ARHGAP10: variants seen among roughly 807,000 people sequenced by gnomAD.
ARHGAP10 encodes the protein Rho GTPase activating protein 10.
In ARHGAP10, 87 loss-of-function variants were observed where a neutral mutation model predicts 108.6. The ratio of observed to expected loss-of-function variants is 0.80; its 90% confidence interval spans 0.67 to 0.96. The LOEUF (loss-of-function observed/expected upper bound fraction) is 0.96. Among genes scored for constraint, ARHGAP10 ranks in the 40% least tolerant of loss-of-function variants. The pLI is 0.00. For missense variants in ARHGAP10, 939 were observed against 954.5 expected, an observed-to-expected ratio of 0.98 and a Z score of 0.21; for synonymous variants, 347 against 341.1, an observed-to-expected ratio of 1.02 and a Z score of -0.19.
intron 1 of ARHGAP10, among the ~76,000 whole-genome samples, chr4:147,754,775 G>A (rs1421667712): frequency 6.6e-6 from 1 of 152,082 alleles, no homozygotes; most frequent in African/African-American, 2.4e-5. Context: ...TCTTCTGTTA[G>A]AATTATAATG....
chr4:147,857,503 A>C, intron 4 of ARHGAP10, 50 bp from the exon 5 acceptor site: 7 of 1,385,376 alleles, frequency 5.1e-6, no homozygotes, highest in Non-Finnish European at 6.7e-6. Context: ...TGGATTAACC[A>C]TGTGTATCCT....
intron 3 of ARHGAP10, among the ~76,000 whole-genome samples, chr4:147,845,720 C>T (rs551565192): frequency 2.4e-4 from 36 of 152,126 alleles, no homozygotes; most frequent in African/African-American, 8.2e-4. Context: ...TTGGGTAGAT[C>T]CAGATGTGGG....
intron 18 of ARHGAP10, among the ~76,000 whole-genome samples, chr4:148,011,934 C>T (rs987049670): frequency 6.6e-6 from 1 of 152,158 alleles, no homozygotes; most frequent in Non-Finnish European, 1.5e-5. Context: ...CCCCCAGTAA[C>T]TAAACGCGTA....
At chr4:148,011,965 G>C (rs896482851) in intron 18 of ARHGAP10, among the ~76,000 whole-genome samples, 4 of 152,158 alleles carry the variant, frequency 2.6e-5, no homozygotes, top group African/African-American at 9.7e-5. Flanking sequence ...ATAGTGCTGG[G>C]TTCTTAAAAT....
Position 147,906,627 on chromosome 4 carries a change from G to C in ARHGAP10, c.1035-11G>C, listed in dbSNP as rs775159023. On this transcript the variant is annotated splice_polypyrimidine_tract_variant and intron_variant, in intron 10 of 22. Transcript: ENST00000336498. The stretch of plus-strand genomic sequence containing the variant: ...CAAGGGGTAACCTGATATGTTACTG[G>C]TGTCTTTCAGGCCTGGCGTTTCCTT... The C allele has an allele frequency of 6.2e-7, 1 of 1,613,916 alleles. No homozygotes were observed. The highest frequency in any genetic ancestry group is 1.3e-5 in the African/African-American group (1 of 74,900).
chr4:147,773,102 A>T (rs902376570), intron 1 of ARHGAP10, among the ~76,000 whole-genome samples: 1 of 152,210 alleles, frequency 6.6e-6, no homozygotes, highest in African/African-American at 2.4e-5. Context: ...TTGTTGGTAG[A>T]AGGGACACTT....
chr4:148,050,504 G>T (rs924441998), intron 20 of ARHGAP10, among the ~76,000 whole-genome samples: 34 of 151,654 alleles, frequency 2.2e-4, no homozygotes, highest in African/African-American at 7.3e-4. Context: ...CTCCCGAGTG[G>T]CTGGTTCTAC....
rs114599615 is a variant in ARHGAP10, at chr4:147,969,082, A to T, written c.1716+2243A>T. ...TATGGAGTGAAATAATGAATTCAAT[A>T]CATTTTGAGGGGGTTGAAGGACTGG... On this transcript the variant is annotated intron_variant, in intron 18 of 22. Coordinates refer to ENST00000336498, the MANE Select transcript of ARHGAP10 (RefSeq NM_024605.4). Among the ~76,000 whole-genome samples, 1,273 of 152,302 alleles carry T rather than the reference A, an allele frequency of 8.4e-3. 11 individuals carry two copies. The highest frequency in any genetic ancestry group is 0.019 in the African/African-American group (782 of 41,558).
At chr4:147,792,229 T>A (rs962575111) in intron 1 of ARHGAP10, among the ~76,000 whole-genome samples, 1 of 152,266 alleles carries the variant, frequency 6.6e-6, no homozygotes, top group Non-Finnish European at 1.5e-5. Flanking sequence ...TGCTCATCTG[T>A]TGATGTAAAA....
chr4:148,035,428 A>G (rs1281067497), intron 19 of ARHGAP10, among the ~76,000 whole-genome samples: 1 of 152,162 alleles, frequency 6.6e-6, no homozygotes, highest in Non-Finnish European at 1.5e-5. Flanking sequence ...GTGGAGTAGG[A>G]AGCTCTTTTC....
chr4:147,976,417 AGTGTAGAAGT>A (rs1739597021), intron 18 of ARHGAP10, among the ~76,000 whole-genome samples: 1 of 152,222 alleles, frequency 6.6e-6, no homozygotes, highest in African/African-American at 2.4e-5. Flanking sequence ...TTGACTGTTC[AGTGTAGAAGT>A]CAAAATCCCA....
At chr4:147,970,913 C>G (rs1457676524) in intron 18 of ARHGAP10, among the ~76,000 whole-genome samples, 1 of 152,008 alleles carries the variant, frequency 6.6e-6, no homozygotes, top group African/African-American at 2.4e-5. Flanking sequence ...CATGGCAAAA[C>G]CCCATCTCTA....
intron 1 of ARHGAP10, among the ~76,000 whole-genome samples, chr4:147,771,126 T>A (rs1730059747): frequency 2.0e-5 from 3 of 152,168 alleles, no homozygotes; most frequent in Admixed American, 2.0e-4. Flanking sequence ...GGAAGATCAC[T>A]TAAGCCCAGG....
At chr4:147,808,448 A>G (rs1402267788) in intron 1 of ARHGAP10, among the ~76,000 whole-genome samples, 1 of 152,134 alleles carries the variant, frequency 6.6e-6, no homozygotes, top group African/African-American at 2.4e-5. Flanking sequence ...GGCTCTAGGA[A>G]GGAATTGGAT....
At chr4:148,034,125 C>T (rs1415909257) in intron 19 of ARHGAP10, among the ~76,000 whole-genome samples, 2 of 152,056 alleles carry the variant, frequency 1.3e-5, no homozygotes, top group African/African-American at 2.4e-5. Flanking sequence ...TGTAAACCAG[C>T]CAATATATGG....
At chr4:147,848,564 C>A (rs907869755) in intron 4 of ARHGAP10, among the ~76,000 whole-genome samples, 1 of 152,230 alleles carries the variant, frequency 6.6e-6, no homozygotes, top group African/African-American at 2.4e-5. Context: ...TCTTTAAGCT[C>A]TTTAAAGCTT....
chr4:147,919,424 G>A (rs1737137552), intron 13 of ARHGAP10, among the ~76,000 whole-genome samples: 1 of 152,088 alleles, frequency 6.6e-6, no homozygotes, highest in African/African-American at 2.4e-5. Flanking sequence ...TCTTTCATCC[G>A]TTTACCAAAT....
At chr4:147,895,331 G>A (rs1735946934) in intron 10 of ARHGAP10, among the ~76,000 whole-genome samples, 1 of 152,044 alleles carries the variant, frequency 6.6e-6, no homozygotes, top group Admixed American at 6.6e-5. Context: ...AGTTCTGGCA[G>A]TTTCTTTAGG....
At chr4:147,818,155 C>T (rs75533512) in intron 1 of ARHGAP10, among the ~76,000 whole-genome samples, 50 of 149,876 alleles carry the variant, frequency 3.3e-4, no homozygotes, top group African/African-American at 1.0e-3. Context: ...TTTTTTTCTT[C>T]TTCTTTTTCT....
Sources: allele counts gnomAD v4.1 joint callset (sites outside exome capture counted in the v4.1 genomes callset), GRCh38; gene constraint gnomAD v4.1.1; transcripts MANE v1.5; gene names NCBI Gene and HGNC (gene_info 2026-07-23, HGNC 2026-07-21).